Variants in PHYH observed in about 807,000 individuals in gnomAD.
PHYH encodes the protein phytanoyl-CoA 2-hydroxylase.
In PHYH, 32 loss-of-function variants were observed where a neutral mutation model predicts 38.5. The observed-to-expected ratio is 0.83, with a 90% CI of 0.63 to 1.12. The LOEUF (loss-of-function observed/expected upper bound fraction) is 1.12. Among genes scored for constraint, PHYH ranks in the 50% most tolerant of loss-of-function variants. PHYH has a pLI of 0.00. For synonymous variants in PHYH, 166 were observed against 157.9 expected, an observed-to-expected ratio of 1.05 and a Z score of -0.38; for missense variants, 426 against 434.8, an observed-to-expected ratio of 0.98 and a Z score of 0.18.
Position 13,283,744 on chromosome 10 carries a change from G to C in PHYH, c.774C>G (p.Phe258Leu). The change falls in exon 7 of 9, where the codon TTC (phenylalanine) becomes TTG (leucine). Residue 258 changes from phenylalanine (F) to leucine (L), a missense_variant. Physicochemically the swap from Phe to Leu is conservative, Grantham distance 22 (BLOSUM62 0). Coordinates refer to ENST00000263038, the MANE Select transcript of PHYH (RefSeq NM_006214.4). The part of the protein sequence containing the change: ...LVMEKGDTVF[F>L]HPLLIHGSGQ... ...CAGATCCGTGGATGAGCAAAGGATG[G>C]AAGAAAACAGTGTCGCCCTTCTCCA... 3 of 1,614,070 alleles carry C rather than the reference G, an allele frequency of 1.9e-6. No individual in the cohort carries two copies. Among genetic ancestry groups the C allele is most frequent in the Non-Finnish European group, 2.5e-6 (3 of 1,180,002 alleles).
intron 1 of PHYH, among the ~76,000 whole-genome samples, chr10:13,298,752 ACTACTACTACTG>A (rs1832647507): frequency 3.0e-5 from 3 of 99,702 alleles, no homozygotes; most frequent in Admixed American, 1.3e-4. Context: ...TACTACTACT[ACTACTACTACTG>A]CTACTACTAC....
At position 13,283,839 on chromosome 10, in the gene PHYH, C is replaced by A. The variant is rs201936962; in HGVS notation, c.679G>T (p.Gly227Trp). Residue 227 changes from glycine to tryptophan, a missense_variant and splice_region_variant, in exon 7 of 9, where the codon GGG becomes TGG. Gly to Trp is a radical substitution (Grantham distance 184). Coordinates refer to ENST00000263038, the MANE Select transcript of PHYH (RefSeq NM_006214.4). Reference sequence around the variant, plus strand: ...CCGTGGAACATTTTGTTAACTCCCCCCTAGAACAAGAGGCAAGTGAAGTCT... The same window carrying A: ...CCGTGGAACATTTTGTTAACTCCCCACTAGAACAAGAGGCAAGTGAAGTCT... The part of the protein sequence containing the change: ...LKPHDYPKWE[G>W]GVNKMFHGIQ... The A allele has an allele frequency of 5.9e-5, 95 of 1,613,602 alleles. No homozygotes were observed. The highest frequency in any genetic ancestry group is 3.3e-4 in the Middle Eastern group (2 of 6,056).
At chr10:13,283,520 C>T (rs1835468685) in intron 7 of PHYH, among the ~76,000 whole-genome samples, 170 bp downstream of exon 7, 1 of 152,116 alleles carries the variant, frequency 6.6e-6, no homozygotes, top group Admixed American at 6.6e-5. Flanking sequence ...AATATATTTC[C>T]TGGTAAATAA....
rs1008199019 is a variant in PHYH, at chr10:13,298,120, C to A, written c.134+67G>T. 7.6e-6 allele frequency: 7 copies of A among 923,796 alleles called. No homozygotes were observed. In the African/African-American group the frequency reaches 9.9e-5, roughly 13 times the overall value. 57.2% of individuals were successfully genotyped at this position (923,796 alleles called of 1,614,324 possible). On this transcript the variant is annotated intron_variant, in intron 2 of 8. Transcript: ENST00000263038. ...TCAGGTAACATATTATGTGGTATAT[C>A]TTCATTACCACTCAAGAAACTTTTA... is the stretch of plus-strand genomic sequence containing the variant.
Position 13,283,814 on chromosome 10 carries a change from C to T in PHYH, c.704G>A (p.Gly235Glu). The change falls in exon 7 of 9, where the codon GGG becomes GAG. Residue 235 changes from glycine to glutamate, a missense_variant. Transcript: ENST00000263038. ...CTTGTTTTCCTCGTAGTCCTGGATC[C>T]CGTGGAACATTTTGTTAACTCCCCC... ...WEGGVNKMFH[G>E]IQDYEENKAR... The T allele has an allele frequency of 6.2e-7, 1 of 1,613,858 alleles. No homozygotes were observed. Among genetic ancestry groups the T allele is most frequent in the Non-Finnish European group, 8.5e-7 (1 of 1,179,880 alleles).
At chr10:13,279,854 T>C (rs1419810585) in intron 8 of PHYH, among the ~76,000 whole-genome samples, 1 of 152,220 alleles carries the variant, frequency 6.6e-6, no homozygotes, top group Non-Finnish European at 1.5e-5. Context: ...ATAGGCATTT[T>C]AGGTACTGAA....
intron 1 of PHYH, 87 bp from the exon 2 acceptor site, chr10:13,298,332 T>A: frequency 1.3e-6 from 1 of 797,674 alleles, no homozygotes; most frequent in South Asian, 1.4e-5. Flanking sequence ...TTTGGGAGGC[T>A]GAGGCAGGAG....
intron 1 of PHYH, among the ~76,000 whole-genome samples, chr10:13,299,154 C>G (rs1410567177): frequency 6.8e-6 from 1 of 147,892 alleles, no homozygotes; most frequent in Non-Finnish European, 1.5e-5. Context: ...ACCAAAAAAG[C>G]AAAACCCTAG....
intron 5 of PHYH, among the ~76,000 whole-genome samples, chr10:13,290,089 T>C (rs1835667886): frequency 8.4e-6 from 1 of 118,926 alleles, no homozygotes; most frequent in Non-Finnish European, 1.6e-5. Flanking sequence ...ACCAACATGG[T>C]GAAACCCTGT....
Position 13,281,124 on chromosome 10 carries a change from A to G in PHYH, c.829-14T>C. On this transcript the variant is annotated splice_polypyrimidine_tract_variant and intron_variant, in intron 7 of 8. Transcript: ENST00000263038. ...GCAGGAAATTGCCTGTGCAAAGTGA[A>G]CAAATTGATATTGGAGAAAAACATC... 1 of 1,614,086 alleles carries G rather than the reference A, an allele frequency of 6.2e-7. No homozygotes were observed. The highest frequency in any genetic ancestry group is 8.5e-7 in the Non-Finnish European group (1 of 1,179,930).
intron 7 of PHYH, among the ~76,000 whole-genome samples, chr10:13,282,673 C>T (rs1458692833): frequency 6.6e-6 from 1 of 151,830 alleles, no homozygotes; most frequent in East Asian, 1.9e-4. Flanking sequence ...GTTGTGCCTG[C>T]ACCTCGCTAC....
intron 5 of PHYH, among the ~76,000 whole-genome samples, chr10:13,289,258 C>G (rs1835640741): frequency 6.6e-6 from 1 of 152,144 alleles, no homozygotes; most frequent in African/African-American, 2.4e-5. Flanking sequence ...TGCAGTGACG[C>G]GATCTCGGCT....
intron 7 of PHYH, among the ~76,000 whole-genome samples, chr10:13,283,255 G>A (rs1049633943): frequency 6.7e-6 from 1 of 149,648 alleles, no homozygotes; most frequent in Non-Finnish European, 1.5e-5. Context: ...TCAGCCTCCC[G>A]AGTAGCTGGG....
chr10:13,283,418 C>A (rs188158823), intron 7 of PHYH, among the ~76,000 whole-genome samples: 1 of 152,034 alleles, frequency 6.6e-6, no homozygotes, highest in African/African-American at 2.4e-5. Flanking sequence ...CATGAGCCAC[C>A]GCGCCCGGCC....
At chr10:13,286,593 C>G (rs1251704128) in intron 6 of PHYH, among the ~76,000 whole-genome samples, 1 of 150,600 alleles carries the variant, frequency 6.6e-6, no homozygotes, top group Admixed American at 6.7e-5. Flanking sequence ...CCCAGCTACT[C>G]GGGAGGCTGA....
intron 2 of PHYH, among the ~76,000 whole-genome samples, chr10:13,297,262 A>G (rs1832585132): frequency 6.6e-6 from 1 of 152,188 alleles, no homozygotes; most frequent in Non-Finnish European, 1.5e-5. Context: ...CCAAGAAGGT[A>G]AAGTAACAAA....
At chr10:13,280,786 C>A (rs1270613941) in intron 8 of PHYH, among the ~76,000 whole-genome samples, 190 bp downstream of exon 8, 1 of 152,174 alleles carries the variant, frequency 6.6e-6, no homozygotes, top group Non-Finnish European at 1.5e-5. Context: ...AGTTCTCAAG[C>A]CTCCTGCACG....
At chr10:13,292,172 G>A (rs1393874162) in intron 4 of PHYH, among the ~76,000 whole-genome samples, 1 of 152,182 alleles carries the variant, frequency 6.6e-6, no homozygotes, top group Non-Finnish European at 1.5e-5. Context: ...AAACATAGGA[G>A]TTCCGATGAG....
chr10:13,291,455 T>A, intron 5 of PHYH: 1 of 234,634 alleles, frequency 4.3e-6, no homozygotes, highest in South Asian at 6.4e-5. Flanking sequence ...CAGTTAGACA[T>A]CAGCTATTTT....
Sources: allele counts gnomAD v4.1 joint callset (sites outside exome capture counted in the v4.1 genomes callset), GRCh38; gene constraint gnomAD v4.1.1; transcripts MANE v1.5; gene names NCBI Gene and HGNC (gene_info 2026-07-23, HGNC 2026-07-21).